The following CMC1 variants were observed in gnomAD, a reference collection of about 807,000 sequenced individuals.
CMC1 encodes C-X9-C motif containing 1.
CMC1 carries 14 observed loss-of-function variants against 14.1 expected under a neutral mutation model. That is an observed-to-expected ratio of 0.99 (90% CI 0.66 to 1.55). CMC1 has a LOEUF of 1.55. CMC1 is among the 40% of genes most tolerant of loss of function. CMC1 has a pLI of 0.00. For synonymous variants in CMC1, 50 were observed against 38.4 expected, an observed-to-expected ratio of 1.30 and a Z score of -1.12; for missense variants, 127 against 123.8, an observed-to-expected ratio of 1.03 and a Z score of -0.12.
chr3:28,289,319 G>A (rs895728746), intron 2 of CMC1, among the ~76,000 whole-genome samples: 7 of 151,642 alleles, frequency 4.6e-5, no homozygotes, highest in African/African-American at 1.7e-4. Context: ...AATTCGTTTT[G>A]TTTATCTTAC....
At chr3:28,319,471 A>T in intron 3 of CMC1, 38 bp from the exon 4 acceptor site, 1 of 1,543,608 alleles carries the variant, frequency 6.5e-7, no homozygotes, top group Non-Finnish European at 8.9e-7. Context: ...CACATGCAGG[A>T]TTATTTACTT....
chr3:28,320,758 A>T lies in CMC1; in HGVS notation c.*1129A>T, dbSNP rs1446528298. 3 of 151,464 alleles carry T rather than the reference A, an allele frequency of 2.0e-5. No individual in the cohort carries two copies. The highest frequency in any genetic ancestry group is 6.6e-5 in the Admixed American group (1 of 15,142). The allele number at this position is 151,464 out of a possible 1,614,324, so 9.4% of individuals were successfully genotyped here. On this transcript the variant is annotated 3_prime_UTR_variant, in exon 4 of 4. Coordinates refer to ENST00000466830, the MANE Select transcript of CMC1 (RefSeq NM_182523.2). The stretch of plus-strand genomic sequence containing the variant: ...TTACCATTCTGTAACATAGTAATGG[A>T]CTCAGGAAGTAGTATAAAAAATTTA...
chr3:28,254,812 T>A lies in CMC1; in HGVS notation c.20-8479T>A, dbSNP rs191803910. Among the ~76,000 whole-genome samples the A allele has an allele frequency of 3.5e-3, 537 of 152,314 alleles. 1 individual carries two copies. Among genetic ancestry groups the A allele is most frequent in the African/African-American group, 9.5e-3 (393 of 41,578 alleles). ...ATTAATTTTGTAAATTTTGAAAAAA[T>A]TTTGTAATTTTGTATAATCCAATGT... On this transcript the variant is annotated intron_variant, in intron 1 of 3. Coordinates refer to ENST00000466830, the MANE Select transcript of CMC1 (RefSeq NM_182523.2).
chr3:28,282,330 G>A lies in CMC1; in HGVS notation c.109+18950G>A, dbSNP rs140237236. On this transcript the variant is annotated intron_variant, in intron 2 of 3. Transcript: ENST00000466830. ...ATCTCAGATTGCTGTGGCATAACCC[G>A]TGGCATTTATTCAGAGTGAGGCTGT... Among the ~76,000 whole-genome samples the A allele has an allele frequency of 2.7e-3, 404 of 152,238 alleles. 1 individual carries two copies. The highest frequency in any genetic ancestry group is 0.01 in the Middle Eastern group (3 of 294).
chr3:28,257,088 AT>A (rs1699450789), intron 1 of CMC1, among the ~76,000 whole-genome samples: 1 of 152,292 alleles, frequency 6.6e-6, no homozygotes, highest in Non-Finnish European at 1.5e-5. Flanking sequence ...TAGTAACCTA[AT>A]TTCTAATAGT....
chr3:28,248,694 G>T (rs1313642524), intron 1 of CMC1, among the ~76,000 whole-genome samples: 2 of 152,144 alleles, frequency 1.3e-5, no homozygotes, highest in African/African-American at 4.8e-5. Flanking sequence ...GTATTACCTT[G>T]TACTTGATAT....
intron 1 of CMC1, 150 bp from the exon 2 acceptor site, chr3:28,263,141 T>C (rs2125461389): frequency 1.7e-6 from 1 of 601,706 alleles, no homozygotes; most frequent in East Asian, 3.2e-5. Flanking sequence ...AGGATGAGTT[T>C]TAATGACTAA....
chr3:28,278,279 A>T (rs1700698434), intron 2 of CMC1, among the ~76,000 whole-genome samples: 1 of 152,184 alleles, frequency 6.6e-6, no homozygotes, highest in East Asian at 1.9e-4. Context: ...GAGAAATTAT[A>T]TTATTTTATT....
chr3:28,304,630 T>G (rs548464456), intron 2 of CMC1, among the ~76,000 whole-genome samples: 3 of 152,282 alleles, frequency 2.0e-5, no homozygotes, highest in African/African-American at 7.2e-5. Flanking sequence ...TGACCCAAAC[T>G]TTCCCAGAAA....
At chr3:28,310,993 C>A (rs1276000406) in intron 2 of CMC1, among the ~76,000 whole-genome samples, 1 of 152,220 alleles carries the variant, frequency 6.6e-6, no homozygotes, top group Non-Finnish European at 1.5e-5. Context: ...CCTCGCCAGA[C>A]GCTCACCTCC....
chr3:28,283,117 T>C (rs1272894777), intron 2 of CMC1, among the ~76,000 whole-genome samples: 1 of 152,206 alleles, frequency 6.6e-6, no homozygotes, highest in South Asian at 2.1e-4. Context: ...ATTAAAGTGA[T>C]GGGCAGAATC....
At chr3:28,289,979 T>G (rs1701386725) in intron 2 of CMC1, among the ~76,000 whole-genome samples, 1 of 152,118 alleles carries the variant, frequency 6.6e-6, no homozygotes, top group African/African-American at 2.4e-5. Flanking sequence ...AAATGTTTCT[T>G]GATAAAAGGT....
chr3:28,281,645 C>T (rs1358263421), intron 2 of CMC1, among the ~76,000 whole-genome samples: 4 of 152,042 alleles, frequency 2.6e-5, no homozygotes, highest in African/African-American at 9.7e-5. Flanking sequence ...TGATAAGAGA[C>T]AAACCAGGCA....
intron 2 of CMC1, among the ~76,000 whole-genome samples, chr3:28,274,212 G>GTTTTTTTTGTTTTTT (rs376321066): frequency 2.0e-4 from 18 of 88,120 alleles, no homozygotes; most frequent in African/African-American, 7.8e-4. Context: ...AAGTGTTTTT[G>GTTTTTTTTGTTTTTT]TTTTTTTCTT....
chr3:28,243,445 T>A (rs1263058980), intron 1 of CMC1, among the ~76,000 whole-genome samples: 1 of 152,000 alleles, frequency 6.6e-6, no homozygotes, highest in African/African-American at 2.4e-5. Context: ...AAGATTTCCA[T>A]ATATCTACAC....
chr3:28,241,924 G>C, intron 1 of CMC1, 112 bp downstream of exon 1: 1 of 1,080,354 alleles, frequency 9.3e-7, no homozygotes, highest in Non-Finnish European at 1.2e-6. Flanking sequence ...GGGTAGCATT[G>C]CTTCCACCAG....
intron 2 of CMC1, among the ~76,000 whole-genome samples, chr3:28,271,344 C>T (rs11129317): frequency 0.22 from 33,492 of 152,042 alleles, 3,854 homozygotes; most frequent in Admixed American, 0.28. Flanking sequence ...AAGTGATCCA[C>T]CCACCTCAGC....
At chr3:28,269,641 C>T (rs555937522) in intron 2 of CMC1, among the ~76,000 whole-genome samples, 70 of 152,192 alleles carry the variant, frequency 4.6e-4, no homozygotes, top group African/African-American at 1.6e-3. Flanking sequence ...TCTCAGCTCA[C>T]TGCAACCACT....
At chr3:28,284,898 G>A (rs924674037) in intron 2 of CMC1, among the ~76,000 whole-genome samples, 2 of 152,142 alleles carry the variant, frequency 1.3e-5, no homozygotes, top group African/African-American at 4.8e-5. Flanking sequence ...TCTGGCAGCC[G>A]TAAACCTTGA....
Sources: allele counts gnomAD v4.1 joint callset (sites outside exome capture counted in the v4.1 genomes callset), GRCh38; gene constraint gnomAD v4.1.1; transcripts MANE v1.5; gene names NCBI Gene and HGNC (gene_info 2026-07-23, HGNC 2026-07-21).